The following PPM1G variants were observed in gnomAD, a reference collection of about 807,000 sequenced individuals.
The protein encoded by PPM1G is protein phosphatase, Mg2+/Mn2+ dependent 1G, also known as protein phosphatase 1G.
A neutral mutation model predicts 59.4 loss-of-function variants in PPM1G; 12 were observed. That is an observed-to-expected ratio of 0.20 (90% CI 0.13 to 0.33). The LOEUF is 0.33. Among genes scored for constraint, PPM1G ranks in the 10% least tolerant of loss-of-function variants. The pLI, the probability that PPM1G is intolerant of heterozygous loss-of-function variation, is 1.00. For missense variants in PPM1G, 392 were observed against 681.3 expected (o/e 0.58, Z 4.73); for synonymous variants, 245 against 251.9 (o/e 0.97, Z 0.26).
rs142876266 is a variant in PPM1G at position 27,396,779 on chromosome 2, G to A, written c.121-9621C>T. Among the ~76,000 whole-genome samples the A allele has an allele frequency of 3.7e-3, 512 of 137,074 alleles. 4 individuals are homozygous for A. The highest frequency in any genetic ancestry group is 0.012 in the African/African-American group (411 of 34,252). The allele number at this position is 137,074 out of a possible 152,430, so 89.9% of individuals were successfully genotyped here. On this transcript the variant is annotated intron_variant, in intron 1 of 9. Coordinates refer to ENST00000344034, the MANE Select transcript of PPM1G (RefSeq NM_177983.3). ...GCAGTGAGCCAAGACTGCAATCATT[G>A]CACTCCAGCATAGGTGACAGAGCAA...
chr2:27,390,347 G>A (rs556409974), intron 1 of PPM1G, among the ~76,000 whole-genome samples: 47 of 152,274 alleles, frequency 3.1e-4, no homozygotes, highest in African/African-American at 1.1e-3. Context: ...TCTCTTCCTA[G>A]ATTAACATTT....
chr2:27,393,304 T>A, intron 1 of PPM1G: 6 of 1,597,564 alleles, frequency 3.8e-6, no homozygotes, highest in Non-Finnish European at 5.1e-6. Flanking sequence ...ATCTGGCGGT[T>A]GATGGCGGCC....
At position 27,382,574 on chromosome 2, in the gene PPM1G, C is replaced by G. The variant is rs765437403; in HGVS notation, c.1233G>C (p.Leu411=). ...GDHFYKRNKN[L]PPEEQMISAL... ...CTGAAATCATCTGTTCCTCAGGTGG[C>G]AGGTTCTTGTTTCTCTTATAGAAGT... Residue 411 remains leucine, a synonymous_variant, in exon 8 of 10, where the codon CTG becomes CTC. Transcript: ENST00000344034. This position sits in a 1 kb window ranked among gnomAD's most constrained non-coding sequence, Gnocchi z 4.2. 1 of 1,614,200 alleles carries G rather than the reference C, an allele frequency of 6.2e-7. No individual in the cohort carries two copies. Among genetic ancestry groups the G allele is most frequent in the East Asian group, 2.2e-5 (1 of 44,884 alleles).
intron 2 of PPM1G, chr2:27,386,629 A>G: frequency 5.4e-6 from 1 of 184,802 alleles, no homozygotes; most frequent in Non-Finnish European, 1.1e-5. Context: ...GTCTTGGCTC[A>G]CTGCAACCTC....
At chr2:27,404,203 A>G (rs1413405984) in intron 1 of PPM1G, among the ~76,000 whole-genome samples, 2 of 152,066 alleles carry the variant, frequency 1.3e-5, no homozygotes, top group Non-Finnish European at 2.9e-5. Flanking sequence ...TCAAAATTAT[A>G]CTATAGATAT....
In PPM1G at chr2:27,383,871, C is replaced by T. The variant is rs1683699310; in HGVS notation, c.966+81G>A. ...TTCCATCCTAAAGTATCAGGGGGAT[C>T]CCCTGTCTCAAAATCAAAATTAGGG... On this transcript the variant is annotated intron_variant, in intron 6 of 9. Transcript: ENST00000344034. This position sits in a 1 kb window ranked among gnomAD's most constrained non-coding sequence, Gnocchi z 5.0. The T allele has an allele frequency of 6.5e-7, 1 of 1,530,250 alleles. No homozygotes were observed. Among genetic ancestry groups the T allele is most frequent in the African/African-American group, 1.4e-5 (1 of 72,746 alleles). The allele number at this position is 1,530,250 out of a possible 1,614,324, so 94.8% of individuals were successfully genotyped here.
At chr2:27,397,114 C>G (rs1361194199) in intron 1 of PPM1G, among the ~76,000 whole-genome samples, 2 of 152,054 alleles carry the variant, frequency 1.3e-5, no homozygotes, top group Non-Finnish European at 2.9e-5. Context: ...GGTGATTCAC[C>G]CGTCTTGGCC....
In PPM1G at chr2:27,381,525, G is replaced by A. The variant is rs1683627492; in HGVS notation, c.*74C>T. The A allele has an allele frequency of 6.3e-6, 10 of 1,576,488 alleles. No individual in the cohort carries two copies. The Middle Eastern group carries it at 1.1e-3, about 167-fold the overall frequency. On this transcript the variant is annotated 3_prime_UTR_variant, in exon 10 of 10. Transcript: ENST00000344034. Reference sequence around the variant, plus strand: ...CTCATACCCACTGCTAAGGCTAAAGGAAAAAGACAAAACTCAGTCTCAGGT... The same window carrying A: ...CTCATACCCACTGCTAAGGCTAAAGAAAAAAGACAAAACTCAGTCTCAGGT...
In PPM1G at chr2:27,381,487, T is replaced by A; in HGVS notation, c.*112A>T. On this transcript the variant is annotated 3_prime_UTR_variant, in exon 10 of 10. Coordinates refer to ENST00000344034, the MANE Select transcript of PPM1G (RefSeq NM_177983.3). ...AATGGGCGGAGTGAAGCCACCCAGC[T>A]CCCCCTGCACACCTCATACCCACTG... is the stretch of plus-strand genomic sequence containing the variant. 1 of 1,251,770 alleles carries A rather than the reference T, an allele frequency of 8.0e-7. No homozygotes were observed. The highest frequency in any genetic ancestry group is 1.1e-6 in the Non-Finnish European group (1 of 872,030). 77.5% of individuals were successfully genotyped at this position (1,251,770 alleles called of 1,614,324 possible).
intron 1 of PPM1G, among the ~76,000 whole-genome samples, chr2:27,389,318 T>C (rs892722066): frequency 6.6e-6 from 1 of 152,198 alleles, no homozygotes; most frequent in East Asian, 1.9e-4. Flanking sequence ...CATTTTTCTT[T>C]TTTGTTCTTT....
chr2:27,386,523 G>GA (rs1683767705), intron 2 of PPM1G: 3 of 296,304 alleles, frequency 1.0e-5, no homozygotes, highest in Non-Finnish European at 1.3e-5. Context: ...GTTCTCCAGT[G>GA]AAAAAAAGAT....
Position 27,387,181 on chromosome 2 carries a change from G to A in PPM1G, c.121-23C>T, listed in dbSNP as rs762759121. 93 of 1,590,920 alleles carry A rather than the reference G, an allele frequency of 5.8e-5. No homozygotes were observed. The Admixed American group carries it at 1.3e-3, about 22-fold the overall frequency. On this transcript the variant is annotated intron_variant, in intron 1 of 9. Coordinates refer to ENST00000344034, the MANE Select transcript of PPM1G (RefSeq NM_177983.3). ...ATCCTAGGAAAAGAAGAGCATAATC[G>A]GCATGTCTCAAGGTCGAAGAATATT...
Position 27,382,790 on chromosome 2 carries a change from G to T in PPM1G, c.1202-185C>A, listed in dbSNP as rs1351185761. On this transcript the variant is annotated intron_variant, in intron 7 of 9. Coordinates refer to ENST00000344034, the MANE Select transcript of PPM1G (RefSeq NM_177983.3). This position sits in a 1 kb window ranked among gnomAD's most constrained non-coding sequence, Gnocchi z 4.2. Reference sequence around the variant, plus strand: ...CTGCCACCAGACTGCTGAACCTTAAGAAAGTCACTCACTGGTCTTTTTATT... The same window carrying T: ...CTGCCACCAGACTGCTGAACCTTAATAAAGTCACTCACTGGTCTTTTTATT... Among the ~76,000 whole-genome samples, 3 of 151,722 alleles carry T rather than the reference G, an allele frequency of 2.0e-5. No individual in the cohort carries two copies. Among genetic ancestry groups the T allele is most frequent in the Non-Finnish European group, 4.4e-5 (3 of 67,976 alleles).
rs780207713 is a variant in PPM1G, at chr2:27,384,884, C to T, written c.614G>A (p.Gly205Asp). The stretch of plus-strand genomic sequence containing the variant: ...GCCTGTGTAGGCCTTGGCTGTGGGG[C>T]CATTTTCTTGTGAAGGAGTTTCCCT... ...STRETPSQEN[G>D]PTAKAYTGFS... is the part of the protein sequence containing the mutation. The change falls in exon 5 of 10, where the codon GGC (glycine) becomes GAC (aspartate). Residue 205 changes from glycine to aspartate, a missense_variant. Coordinates refer to ENST00000344034, the MANE Select transcript of PPM1G (RefSeq NM_177983.3). This position sits in a 1 kb window ranked among gnomAD's most constrained non-coding sequence, Gnocchi z 4.8. 2 of 1,614,158 alleles carry T rather than the reference C, an allele frequency of 1.2e-6. No individual in the cohort carries two copies. The highest frequency in any genetic ancestry group is 3.3e-5 in the Admixed American group (2 of 60,014).
chr2:27,386,049 C>T, intron 3 of PPM1G, 145 bp downstream of exon 3: 1 of 1,227,278 alleles, frequency 8.1e-7, no homozygotes, highest in Non-Finnish European at 1.1e-6. Context: ...TAAAAGGCGG[C>T]CAATAAGCTC....
At chr2:27,393,864 G>C (rs988836222) in intron 1 of PPM1G, among the ~76,000 whole-genome samples, 3 of 152,094 alleles carry the variant, frequency 2.0e-5, no homozygotes, top group African/African-American at 7.2e-5. Context: ...CCGGGTTCAC[G>C]CCATTCTCCC....
At chr2:27,392,386 C>T (rs572626342) in intron 1 of PPM1G, among the ~76,000 whole-genome samples, 254 of 150,964 alleles carry the variant, frequency 1.7e-3, no homozygotes, top group Non-Finnish European at 3.2e-3. Context: ...CCTCCGCAGC[C>T]CAGGTTCAAG....
chr2:27,393,918 G>A (rs1406893089), intron 1 of PPM1G, among the ~76,000 whole-genome samples: 1 of 152,124 alleles, frequency 6.6e-6, no homozygotes, highest in Non-Finnish European at 1.5e-5. Flanking sequence ...TGCCTGCCAA[G>A]ACGCTCGGCT....
At chr2:27,396,313 T>A (rs1266969979) in intron 1 of PPM1G, among the ~76,000 whole-genome samples, 1 of 152,038 alleles carries the variant, frequency 6.6e-6, no homozygotes, top group East Asian at 1.9e-4. Flanking sequence ...AAAAGACAAA[T>A]ACCATATGAT....
Sources: gnomAD v4.1 joint callset for allele counts (sites outside exome capture counted in the v4.1 genomes callset) on GRCh38, gnomAD v4.1.1 for gene constraint, Gnocchi (gnomAD v3.1) non-coding constraint, MANE v1.5 for transcripts, NCBI Gene and HGNC (gene_info 2026-07-23, HGNC 2026-07-21) for gene names.